Variants in CADM2 observed in about 807,000 individuals in gnomAD.
The protein encoded by CADM2 is immunoglobulin superfamily member 4D.
A neutral mutation model predicts 49.8 loss-of-function variants in CADM2; 12 were observed. That is an observed-to-expected ratio of 0.24 (90% CI 0.15 to 0.39). The LOEUF (loss-of-function observed/expected upper bound fraction) is 0.39, where lower values mean the gene tolerates loss of function less well. CADM2 is among the 10% of genes least tolerant of loss of function. The pLI, the probability that CADM2 is intolerant of heterozygous loss-of-function variation, is 1.00. For missense variants in CADM2, 378 were observed against 492.3 expected (o/e 0.77, Z 2.20); for synonymous variants, 214 against 175.4 (o/e 1.22, Z -1.74).
At chr3:85,885,943 A>G (rs1478226969) in intron 4 of CADM2, among the ~76,000 whole-genome samples, 1 of 151,514 alleles carries the variant, frequency 6.6e-6, no homozygotes, top group African/African-American at 2.4e-5. Flanking sequence ...ATATATATTT[A>G]TATATCTGTA....
chr3:85,056,716 A>C (rs1479885377), intron 1 of CADM2, among the ~76,000 whole-genome samples: 2 of 152,122 alleles, frequency 1.3e-5, no homozygotes, highest in Non-Finnish European at 1.5e-5. Context: ...AATGCCTTAC[A>C]CTAAGAAGTC....
chr3:85,683,291 C>A (rs1054920082), intron 1 of CADM2, among the ~76,000 whole-genome samples: 3 of 151,956 alleles, frequency 2.0e-5, no homozygotes, highest in Admixed American at 6.6e-5. Context: ...TTCAAAGTTC[C>A]CTAATGTGTT....
intron 1 of CADM2, among the ~76,000 whole-genome samples, chr3:85,514,294 A>C (rs2106856552): frequency 6.6e-6 from 1 of 152,196 alleles, no homozygotes; most frequent in East Asian, 1.9e-4. Flanking sequence ...TTGATTCTCT[A>C]TTCACGTTTT....
intron 2 of CADM2, among the ~76,000 whole-genome samples, chr3:85,776,875 A>G (rs1370463211): frequency 6.6e-6 from 1 of 152,118 alleles, no homozygotes; most frequent in Non-Finnish European, 1.5e-5. Context: ...ACCTCTAGGT[A>G]TATGGTATTT....
At chr3:85,033,000 T>A (rs537898621) in intron 1 of CADM2, among the ~76,000 whole-genome samples, 8 of 152,282 alleles carry the variant, frequency 5.3e-5, no homozygotes, top group African/African-American at 7.2e-5. Flanking sequence ...TAGTTATCAT[T>A]GTTTGCATAG....
intron 1 of CADM2, among the ~76,000 whole-genome samples, chr3:85,360,829 C>T (rs13076830): frequency 0.17 from 25,206 of 152,046 alleles, 2,621 homozygotes; most frequent in Non-Finnish European, 0.23. Context: ...TTCCTCAGTA[C>T]CGTTGTGTAT....
At chr3:85,340,854 G>A (rs887872480) in intron 1 of CADM2, among the ~76,000 whole-genome samples, 1 of 151,358 alleles carries the variant, frequency 6.6e-6, no homozygotes, top group African/African-American at 2.4e-5. Flanking sequence ...CATTATACTT[G>A]GAGATTATTG....
At chr3:85,942,372 T>G (rs547882695) in intron 7 of CADM2, among the ~76,000 whole-genome samples, 2 of 152,062 alleles carry the variant, frequency 1.3e-5, no homozygotes, top group South Asian at 4.1e-4. Flanking sequence ...CTAGGGTACA[T>G]GTGCATATTG....
chr3:85,822,304 C>T (rs1272347050), intron 3 of CADM2, among the ~76,000 whole-genome samples: 1 of 152,090 alleles, frequency 6.6e-6, no homozygotes, highest in Non-Finnish European at 1.5e-5. Flanking sequence ...TTTTCCAGGG[C>T]CAGGTGCGGT....
chr3:85,996,100 AT>A lies in CADM2; in HGVS notation c.970+34454del, dbSNP rs1241048523. On this transcript the variant is annotated intron_variant, in intron 8 of 9. Transcript: ENST00000383699. ...GCAAGACTCTGCCTAAAAAAAAAAA[AT>A]AAAAAATAAAAATAAAAATAAAATA... Among the ~76,000 whole-genome samples the A allele has an allele frequency of 1.5e-4, 23 of 150,544 alleles. 1 individual carries two copies. The highest frequency in any genetic ancestry group is 5.8e-4 in the East Asian group (3 of 5,186).
At chr3:85,359,666 A>ATATATATATATATATTTTTTTTTTT in intron 1 of CADM2, among the ~76,000 whole-genome samples, 5 of 26,550 alleles carry the variant, frequency 1.9e-4, no homozygotes, top group Non-Finnish European at 3.3e-4. Flanking sequence ...ATATATATAT[A>ATATATATATATATATTTTTTTTTTT]TTTTTTTTTT....
At chr3:85,923,113 G>A (rs1474951146) in intron 6 of CADM2, among the ~76,000 whole-genome samples, 5 of 152,144 alleles carry the variant, frequency 3.3e-5, no homozygotes, top group South Asian at 2.1e-4. Flanking sequence ...GTGAGCCACC[G>A]CGCCCGGCCG....
chr3:84,977,999 A>C (rs1160709610), intron 1 of CADM2, among the ~76,000 whole-genome samples: 1 of 152,140 alleles, frequency 6.6e-6, no homozygotes, highest in Non-Finnish European at 1.5e-5. Flanking sequence ...GGCATTTGCA[A>C]AAAGTTTGTC....
chr3:84,983,361 G>GTT (rs199926849), intron 1 of CADM2, among the ~76,000 whole-genome samples: 2,089 of 142,358 alleles, frequency 0.015, 54 homozygotes, highest in African/African-American at 0.049. Context: ...GTCTATATCT[G>GTT]TTTTTTTTTT....
At chr3:85,403,198 T>C (rs1222785445) in intron 1 of CADM2, among the ~76,000 whole-genome samples, 1 of 152,144 alleles carries the variant, frequency 6.6e-6, no homozygotes, top group Non-Finnish European at 1.5e-5. Context: ...ATCCCTCTCA[T>C]GATGATTTCG....
At chr3:85,575,850 A>C (rs111811716) in intron 1 of CADM2, among the ~76,000 whole-genome samples, 1 of 152,210 alleles carries the variant, frequency 6.6e-6, no homozygotes, top group East Asian at 1.9e-4. Context: ...AATTTTCAGG[A>C]AACTGCAAAT....
intron 1 of CADM2, among the ~76,000 whole-genome samples, chr3:85,537,183 G>A (rs1427706219): frequency 1.3e-5 from 2 of 152,040 alleles, no homozygotes; most frequent in Non-Finnish European, 2.9e-5. Flanking sequence ...TTTTCTTAAA[G>A]CATGTGTTTT....
chr3:85,577,330 T>C (rs1254607545), intron 1 of CADM2, among the ~76,000 whole-genome samples: 1 of 152,126 alleles, frequency 6.6e-6, no homozygotes, highest in African/African-American at 2.4e-5. Flanking sequence ...GGCTCTACCC[T>C]CATGAATGAA....
At chr3:85,141,890 A>G (rs762658410) in intron 1 of CADM2, among the ~76,000 whole-genome samples, 5 of 152,128 alleles carry the variant, frequency 3.3e-5, no homozygotes, top group Admixed American at 6.6e-5. Context: ...ACTTAACCCA[A>G]TGGAGATTTA....
Sources: allele counts gnomAD v4.1 joint callset (sites outside exome capture counted in the v4.1 genomes callset), GRCh38; gene constraint gnomAD v4.1.1; transcripts MANE v1.5; gene names NCBI Gene and HGNC (gene_info 2026-07-23, HGNC 2026-07-21).